Variants in CNOT2 observed in about 807,000 individuals in gnomAD.
CNOT2 encodes the protein CCR4-NOT transcription complex subunit 2.
Under a neutral mutation model 72.1 loss-of-function variants are expected in CNOT2, and 7 were observed. That is an observed-to-expected ratio of 0.10 (90% CI 0.06 to 0.18). The LOEUF (loss-of-function observed/expected upper bound fraction) is 0.18, where lower values mean the gene tolerates loss of function less well. Ranked by LOEUF, CNOT2 falls within the 10% of genes least tolerant of loss-of-function variation. CNOT2 has a pLI of 1.00. For synonymous variants in CNOT2, 196 were observed against 225.6 expected (o/e 0.87, Z 1.17); for missense variants, 345 against 660.3 (o/e 0.52, Z 5.23).
chr12:70,298,654 CCTAATTT>C (rs1873256002), intron 2 of CNOT2, among the ~76,000 whole-genome samples: 1 of 151,924 alleles, frequency 6.6e-6, no homozygotes, highest in Non-Finnish European at 1.5e-5. Flanking sequence ...AAACAAGAGT[CCTAATTT>C]AGTGTGAAAG....
At chr12:70,285,939 A>G (rs534941265) in intron 2 of CNOT2, among the ~76,000 whole-genome samples, 3 of 152,050 alleles carry the variant, frequency 2.0e-5, no homozygotes, top group African/African-American at 7.2e-5. Context: ...GGAGCAGCTT[A>G]GCTCTCTGAC....
chr12:70,337,581 ATTAC>A (rs1323199862), intron 9 of CNOT2, 68 bp downstream of exon 9: 29 of 1,424,508 alleles, frequency 2.0e-5, no homozygotes, highest in Middle Eastern at 4.0e-4. Context: ...TATATTAACA[ATTAC>A]TTACTAAATA....
intron 2 of CNOT2, among the ~76,000 whole-genome samples, chr12:70,296,374 T>C (rs1020830201): frequency 1.3e-5 from 2 of 152,194 alleles, no homozygotes; most frequent in Admixed American, 1.3e-4. Flanking sequence ...TGTGTGTGTG[T>C]GTATCTACAT....
intron 2 of CNOT2, 182 bp downstream of exon 2, chr12:70,278,456 T>C (rs1471141094): frequency 2.0e-6 from 1 of 498,840 alleles, no homozygotes; most frequent in East Asian, 3.1e-5. Flanking sequence ...CTTTTCAAAA[T>C]AAAGCATATT....
intron 3 of CNOT2, among the ~76,000 whole-genome samples, chr12:70,315,766 G>A (rs1180988762): frequency 6.6e-6 from 1 of 152,112 alleles, no homozygotes; most frequent in Admixed American, 6.6e-5. Context: ...AGAGTGTGCT[G>A]TAACTTGTTG....
intron 1 of CNOT2, 36 bp from the exon 2 acceptor site, chr12:70,278,096 A>C: frequency 3.3e-6 from 2 of 610,584 alleles, no homozygotes; most frequent in East Asian, 5.4e-5. Context: ...TTTACATGTT[A>C]GTAATTTTGA....
rs560554856 is a variant in CNOT2, at chr12:70,322,753, A to G, written c.238+3389A>G. On this transcript the variant is annotated intron_variant, in intron 4 of 15. Coordinates refer to ENST00000229195, the MANE Select transcript of CNOT2 (RefSeq NM_014515.7). ...CACCTATGTGAAAGCTACTTGTTTC[A>G]TAGAGAACCCAGAGCACAGGTGGGG... 4.6e-5 allele frequency: 7 copies of G among 151,894 alleles called. No individual in the cohort carries two copies. In the South Asian group the frequency reaches 1.5e-3, roughly 32 times the overall value. 9.4% of individuals were successfully genotyped at this position (151,894 alleles called of 1,614,324 possible). A position where few individuals can be genotyped will look rare whatever the true frequency, so the allele number is the denominator to read the frequency against.
chr12:70,279,950 G>A (rs372235952), intron 2 of CNOT2, among the ~76,000 whole-genome samples: 1 of 152,040 alleles, frequency 6.6e-6, no homozygotes, highest in African/African-American at 2.4e-5. Flanking sequence ...TTTTGGTTAT[G>A]GGTTTGCTGC....
chr12:70,281,088 T>C (rs1301089576), intron 2 of CNOT2, among the ~76,000 whole-genome samples: 1 of 151,720 alleles, frequency 6.6e-6, no homozygotes, highest in African/African-American at 2.4e-5. Flanking sequence ...CTTTCCCTTT[T>C]TTTTTTTTTT....
At chr12:70,300,940 C>G (rs1020164266) in intron 2 of CNOT2, among the ~76,000 whole-genome samples, 1 of 152,086 alleles carries the variant, frequency 6.6e-6, no homozygotes, top group African/African-American at 2.4e-5. Context: ...CTTCACATCC[C>G]TTGTAAGTTG....
At chr12:70,259,149 C>T (rs914756589) in intron 1 of CNOT2, among the ~76,000 whole-genome samples, 1 of 152,166 alleles carries the variant, frequency 6.6e-6, no homozygotes, top group Admixed American at 6.5e-5. Flanking sequence ...GTCACATAAG[C>T]TAGCCAGTAA....
At chr12:70,332,411 C>G (rs1435541188) in intron 6 of CNOT2, 1 of 163,812 alleles carries the variant, frequency 6.1e-6, no homozygotes, top group Admixed American at 6.4e-5. Flanking sequence ...CAAGAATAAT[C>G]TTAACACTAA....
chr12:70,352,447 C>T (rs1044151659), intron 15 of CNOT2, among the ~76,000 whole-genome samples: 1 of 152,058 alleles, frequency 6.6e-6, no homozygotes, highest in Non-Finnish European at 1.5e-5. Context: ...AGTGTAATAT[C>T]TTTAAATTTT....
At chr12:70,352,731 G>A (rs1883021188) in intron 15 of CNOT2, among the ~76,000 whole-genome samples, 1 of 152,144 alleles carries the variant, frequency 6.6e-6, no homozygotes, top group Non-Finnish European at 1.5e-5. Context: ...GCTTATTGGG[G>A]TTGCAGAGGT....
At chr12:70,255,253 T>A (rs137961858) in intron 1 of CNOT2, among the ~76,000 whole-genome samples, 1 of 152,322 alleles carries the variant, frequency 6.6e-6, no homozygotes, top group East Asian at 1.9e-4. Flanking sequence ...ACTGTATTTG[T>A]GTCCTTTCTC....
At chr12:70,338,973 C>G in intron 11 of CNOT2, 151 bp downstream of exon 11, 1 of 675,736 alleles carries the variant, frequency 1.5e-6, no homozygotes, top group South Asian at 2.0e-5. Context: ...GCTCTTAGAT[C>G]ACTGTCACTC....
chr12:70,316,557 GTATAGCTGATCGATGC>G (rs1877375179), intron 3 of CNOT2, among the ~76,000 whole-genome samples: 1 of 152,172 alleles, frequency 6.6e-6, no homozygotes, highest in Admixed American at 6.6e-5. Context: ...AGATATGTCT[GTATAGCTGATCGATGC>G]TTATTTTACA....
chr12:70,335,721 G>A, intron 8 of CNOT2, 158 bp downstream of exon 8: 1 of 482,638 alleles, frequency 2.1e-6, no homozygotes, highest in Non-Finnish European at 3.6e-6. Flanking sequence ...TGATATATTA[G>A]AAGTGATTTT....
At chr12:70,316,466 T>G (rs1877353969) in intron 3 of CNOT2, among the ~76,000 whole-genome samples, 1 of 152,178 alleles carries the variant, frequency 6.6e-6, no homozygotes, top group Non-Finnish European at 1.5e-5. Context: ...CTTCAGAATT[T>G]AAAAGTACAG....
Sources: gnomAD v4.1 joint callset for allele counts (sites outside exome capture counted in the v4.1 genomes callset) on GRCh38, gnomAD v4.1.1 for gene constraint, MANE v1.5 for transcripts, NCBI Gene and HGNC (gene_info 2026-07-23, HGNC 2026-07-21) for gene names.